Variants in GK5 observed in about 807,000 individuals in gnomAD.
GK5 encodes ATP:glycerol 3-phosphotransferase 5.
GK5 carries 39 observed loss-of-function variants against 77.3 expected under a neutral mutation model. The ratio of observed to expected loss-of-function variants is 0.50; its 90% CI spans 0.39 to 0.66. The LOEUF is 0.66. GK5 is among the 30% of genes least tolerant of loss of function. The probability of loss-of-function intolerance (pLI) is 0.00; values close to 1 mark genes in which losing one functional copy is unlikely to be tolerated. For synonymous variants in GK5, 211 were observed against 208.0 expected (o/e 1.01, Z -0.13); for missense variants, 487 against 633.8 (o/e 0.77, Z 2.49).
At chr3:142,166,760 C>T (rs2063476822) in intron 15 of GK5, among the ~76,000 whole-genome samples, 1 of 152,160 alleles carries the variant, frequency 6.6e-6, no homozygotes, top group African/African-American at 2.4e-5. Context: ...GTCTCAAACT[C>T]CTGGCCTCAA....
At chr3:142,185,551 G>A in intron 9 of GK5, 1 of 1,039,038 alleles carries the variant, frequency 9.6e-7, no homozygotes, top group Admixed American at 5.1e-5. Context: ...CACTGTTTGT[G>A]GTTACACATT....
Position 142,177,543 on chromosome 3 carries a change from A to AT in GK5, c.1081dup (p.Met361AsnfsTer9), listed in dbSNP as rs1178478686. On this transcript the variant is annotated frameshift_variant, in exon 12 of 16. Coordinates refer to ENST00000392993, the MANE Select transcript of GK5 (RefSeq NM_001039547.3). LOFTEE classifies it high-confidence loss of function. ...TTCAGAATCCTCCAAACTTTTGGCC[A>AT]TTTTTTCAGTCTCAGCAGCATCTGT... 3 of 1,613,048 alleles carry AT rather than the reference A, an allele frequency of 1.9e-6. No individual in the cohort carries two copies. The highest frequency in any genetic ancestry group is 3.3e-5 in the Admixed American group (2 of 59,928).
intron 4 of GK5, among the ~76,000 whole-genome samples, chr3:142,203,968 T>C (rs2064066159): frequency 6.6e-6 from 1 of 152,140 alleles, no homozygotes; most frequent in African/African-American, 2.4e-5. Flanking sequence ...CTATTGTCAC[T>C]GTCACCATCA....
At chr3:142,220,781 G>A (rs943472213) in intron 1 of GK5, among the ~76,000 whole-genome samples, 11 of 152,122 alleles carry the variant, frequency 7.2e-5, no homozygotes, top group South Asian at 4.1e-4. Flanking sequence ...AGTGATGCCC[G>A]TAAGCAAAGG....
intron 5 of GK5, among the ~76,000 whole-genome samples, chr3:142,190,043 G>T (rs1046229171): frequency 6.6e-6 from 1 of 152,128 alleles, no homozygotes; most frequent in African/African-American, 2.4e-5. Flanking sequence ...ACAGATGATG[G>T]AATTCACAGT....
chr3:142,170,255 G>A (rs757644576), intron 15 of GK5, 70 bp downstream of exon 15: 5 of 1,504,776 alleles, frequency 3.3e-6, no homozygotes, highest in Non-Finnish European at 4.6e-6. Flanking sequence ...TTTGTAATTT[G>A]AGAGGAGAAA....
chr3:142,188,520 C>T (rs970332410), intron 5 of GK5, among the ~76,000 whole-genome samples: 5 of 152,098 alleles, frequency 3.3e-5, no homozygotes, highest in Admixed American at 1.3e-4. Flanking sequence ...AGCGAGACTC[C>T]GTCTCAAAAA....
At position 142,161,409 on chromosome 3, in the gene GK5, T is replaced by C. The variant is rs1488725208; in HGVS notation, c.*4213A>G. The C allele has an allele frequency of 6.6e-6, 1 of 152,226 alleles. No homozygotes were observed. Among genetic ancestry groups the C allele is most frequent in the Non-Finnish European group, 1.5e-5 (1 of 68,056 alleles). The allele number at this position is 152,226 out of a possible 1,614,324, so 9.4% of individuals were successfully genotyped here. On this transcript the variant is annotated 3_prime_UTR_variant, in exon 16 of 16. Transcript: ENST00000392993. ...TTCTTCTTAATCCAACAAAAAAGTA[T>C]TTTACTCACAACAAATATAAATTGC... is the stretch of plus-strand genomic sequence containing the variant.
At chr3:142,225,074 C>A (rs537012454) in intron 1 of GK5, among the ~76,000 whole-genome samples, 64 of 152,184 alleles carry the variant, frequency 4.2e-4, no homozygotes, top group African/African-American at 1.5e-3. Flanking sequence ...ATACACCGGG[C>A]CCCTGGCACC....
chr3:142,172,700 A>T (rs937235645), intron 12 of GK5, among the ~76,000 whole-genome samples: 1 of 152,248 alleles, frequency 6.6e-6, no homozygotes, highest in African/African-American at 2.4e-5. Context: ...GAACTGAAGC[A>T]TATAGTAACA....
rs2108777008 is a variant in GK5 at position 142,163,839 on chromosome 3, AG to A, written c.*1782del. Reference sequence around the variant, plus strand: ...AGCAAGACCCTGTCTCTACAAAAAAAGAAAAAGAAAAAAAAATTACACCCAC... The same window carrying A: ...AGCAAGACCCTGTCTCTACAAAAAAAAAAAAGAAAAAAAAATTACACCCAC... On this transcript the variant is annotated 3_prime_UTR_variant, in exon 16 of 16. Coordinates refer to ENST00000392993, the MANE Select transcript of GK5 (RefSeq NM_001039547.3). 1 of 152,264 alleles carries A rather than the reference AG, an allele frequency of 6.6e-6. No individual in the cohort carries two copies. The highest frequency in any genetic ancestry group is 2.4e-5 in the African/African-American group (1 of 41,570). The allele number at this position is 152,264 out of a possible 1,614,324, so 9.4% of individuals were successfully genotyped here.
At position 142,177,469 on chromosome 3, in the gene GK5, A is replaced by T. The variant is rs750048880; in HGVS notation, c.1143+13T>A. On this transcript the variant is annotated intron_variant, in intron 12 of 15. Transcript: ENST00000392993. Reference sequence around the variant, plus strand: ...AATATTTGTGATTGCCATTAACTTTAAAAAATACATACCTGTAATCCACTA... The same window carrying T: ...AATATTTGTGATTGCCATTAACTTTTAAAAATACATACCTGTAATCCACTA... The T allele has an allele frequency of 3.4e-6, 5 of 1,476,570 alleles. No homozygotes were observed. Among genetic ancestry groups the T allele is most frequent in the Non-Finnish European group, 4.7e-6 (5 of 1,068,340 alleles). 91.5% of individuals were successfully genotyped at this position (1,476,570 alleles called of 1,614,324 possible). A position where few individuals can be genotyped will look rare whatever the true frequency, so the allele number is the denominator to read the frequency against.
Position 142,181,569 on chromosome 3 carries a change from G to A in GK5, c.944-4C>T, listed in dbSNP as rs1444440505. On this transcript the variant is annotated splice_polypyrimidine_tract_variant and splice_region_variant and intron_variant, in intron 10 of 15. Transcript: ENST00000392993. ...CACCCAATTAATGGATAAAAGCCTT[G>A]CAAAACAAACAACGAATGTTAAGTC... is the stretch of plus-strand genomic sequence containing the variant. 2 of 1,593,332 alleles carry A rather than the reference G, an allele frequency of 1.3e-6. No homozygotes were observed. Among genetic ancestry groups the A allele is most frequent in the Non-Finnish European group, 8.6e-7 (1 of 1,163,560 alleles).
At chr3:142,175,191 T>A (rs7640225) in intron 12 of GK5, among the ~76,000 whole-genome samples, 48,762 of 152,056 alleles carry the variant, frequency 0.32, 10,864 homozygotes, top group African/African-American at 0.63. Context: ...ATGACCACTG[T>A]TTCTTGCCTC....
At chr3:142,178,890 G>A (rs770316065) in intron 11 of GK5, among the ~76,000 whole-genome samples, 9 of 152,288 alleles carry the variant, frequency 5.9e-5, no homozygotes, top group South Asian at 2.1e-4. Context: ...TCCTGCCAGC[G>A]GCAGGCACGA....
At chr3:142,177,025 A>G (rs943563206) in intron 12 of GK5, among the ~76,000 whole-genome samples, 3 of 152,226 alleles carry the variant, frequency 2.0e-5, no homozygotes, top group Non-Finnish European at 4.4e-5. Flanking sequence ...ATACACATAC[A>G]TATACATGTG....
At chr3:142,182,537 C>T (rs1016888869) in intron 10 of GK5, among the ~76,000 whole-genome samples, 8 of 151,924 alleles carry the variant, frequency 5.3e-5, no homozygotes, top group Admixed American at 1.3e-4. Flanking sequence ...TTAGTAGAGA[C>T]GGGGTTTCAC....
Position 142,170,495 on chromosome 3 carries a change from A to G in GK5, c.1308-37T>C, listed in dbSNP as rs567778236. The G allele has an allele frequency of 5.8e-6, 9 of 1,539,684 alleles. No homozygotes were observed. In the African/African-American group the frequency reaches 9.6e-5, roughly 16 times the overall value. On this transcript the variant is annotated intron_variant, in intron 14 of 15. Coordinates refer to ENST00000392993, the MANE Select transcript of GK5 (RefSeq NM_001039547.3). ...AAAATATGTAAGATGAATTACTACA[A>G]CAAAAGTATCATTCTTTTTCAGTGG...
Position 142,159,259 on chromosome 3 carries a change from A to C in GK5, c.*6363T>G, listed in dbSNP as rs2063405018. 6.6e-6 allele frequency: 1 copy of C among 152,210 alleles called. No homozygotes were observed. Among genetic ancestry groups the C allele is most frequent in the Non-Finnish European group, 1.5e-5 (1 of 68,030 alleles). 9.4% of individuals were successfully genotyped at this position (152,210 alleles called of 1,614,324 possible). A position where few individuals can be genotyped will look rare whatever the true frequency, so the allele number is the denominator to read the frequency against. On this transcript the variant is annotated 3_prime_UTR_variant, in exon 16 of 16. Transcript: ENST00000392993. ...TGCAGAGAAACTGGATCACTCATAC[A>C]TTCCTGGTGGGAATGTAAGATGGTA... is the stretch of plus-strand genomic sequence containing the variant.
Sources: gnomAD v4.1 joint callset for allele counts (sites outside exome capture counted in the v4.1 genomes callset) on GRCh38, gnomAD v4.1.1 for gene constraint, MANE v1.5 for transcripts, NCBI Gene and HGNC (gene_info 2026-07-23, HGNC 2026-07-21) for gene names.